ULK4: variants seen among roughly 807,000 people sequenced by gnomAD.
The protein encoded by ULK4 is unc-51 like kinase 4.
ULK4 carries 133 observed loss-of-function variants against 160.6 expected under a neutral mutation model. The observed-to-expected ratio is 0.83, with a 90% CI of 0.72 to 0.96. The LOEUF (loss-of-function observed/expected upper bound fraction) is 0.96, where lower values mean the gene tolerates loss of function less well. Ranked by LOEUF, ULK4 falls within the 40% of genes least tolerant of loss-of-function variation. The probability of loss-of-function intolerance (pLI) is 0.00; values close to 1 mark genes in which losing one functional copy is unlikely to be tolerated. For synonymous variants in ULK4, 534 were observed against 539.8 expected, an observed-to-expected ratio of 0.99 and a Z score of 0.15; for missense variants, 1,580 against 1,499.5, an observed-to-expected ratio of 1.05 and a Z score of -0.89.
At chr3:41,664,470 A>G (rs1195686812) in intron 29 of ULK4, among the ~76,000 whole-genome samples, 1 of 152,164 alleles carries the variant, frequency 6.6e-6, no homozygotes, top group Non-Finnish European at 1.5e-5. Context: ...CGTGTGTGTG[A>G]TGTTTCTGCC....
chr3:41,823,870 T>C (rs1309466799), intron 18 of ULK4, among the ~76,000 whole-genome samples: 13 of 152,198 alleles, frequency 8.5e-5, no homozygotes, highest in African/African-American at 3.1e-4. Context: ...TCAGTTAAAG[T>C]ATATACCAAG....
chr3:41,278,956 T>G (rs1300838129), intron 35 of ULK4, among the ~76,000 whole-genome samples: 2 of 152,098 alleles, frequency 1.3e-5, no homozygotes, highest in South Asian at 4.1e-4. Flanking sequence ...GTTTGACAAG[T>G]TGACAGAAGT....
In ULK4 at chr3:41,535,119, T is replaced by C. The variant is rs139373361; in HGVS notation, c.3226+30906A>G. ...TGCTTGCCTTTTCCCACAACCTTTG[T>C]TTCATGAGGAGTACTGGTGCATAAG... On this transcript the variant is annotated intron_variant, in intron 32 of 36. Transcript: ENST00000301831. 3.5e-3 allele frequency among the ~76,000 whole-genome samples: 538 copies of C among 152,248 alleles called. 2 individuals carry two copies. Among genetic ancestry groups the C allele is most frequent in the Middle Eastern group, 0.024 (7 of 294 alleles).
At chr3:41,545,799 AT>A (rs1204665101) in intron 32 of ULK4, among the ~76,000 whole-genome samples, 1 of 151,946 alleles carries the variant, frequency 6.6e-6, no homozygotes, top group Non-Finnish European at 1.5e-5. Flanking sequence ...AGGCTTTTTC[AT>A]TTTTTTAAAT....
chr3:41,677,336 T>TC (rs1403821014), intron 29 of ULK4, among the ~76,000 whole-genome samples: 2 of 151,194 alleles, frequency 1.3e-5, no homozygotes, highest in African/African-American at 4.9e-5. Flanking sequence ...TCATTCATTT[T>TC]TTTTTTTTTT....
At chr3:41,333,871 A>G (rs1532016) in intron 35 of ULK4, among the ~76,000 whole-genome samples, 22,389 of 152,062 alleles carry the variant, frequency 0.15, 1,921 homozygotes, top group African/African-American at 0.23. Context: ...ACTGACTCCA[A>G]AGAAGCTTGG....
chr3:41,553,762 A>G (rs1440155858), intron 32 of ULK4, among the ~76,000 whole-genome samples: 1 of 147,036 alleles, frequency 6.8e-6, no homozygotes, highest in African/African-American at 2.4e-5. Context: ...CATGCAATGC[A>G]TAATAACCAC....
intron 35 of ULK4, among the ~76,000 whole-genome samples, chr3:41,278,837 G>A (rs1456942315): frequency 6.6e-6 from 1 of 152,094 alleles, no homozygotes; most frequent in Non-Finnish European, 1.5e-5. Context: ...ACAAAGATGG[G>A]GAGAAACCAG....
intron 30 of ULK4, 98 bp downstream of exon 30, chr3:41,663,509 T>G: frequency 8.9e-7 from 1 of 1,128,852 alleles, no homozygotes; most frequent in Non-Finnish European, 1.3e-6. Context: ...AACTCAAACA[T>G]TAGTCTTTTG....
intron 33 of ULK4, 35 bp from the exon 34 acceptor site, chr3:41,455,630 TG>T (rs1329696422): frequency 6.2e-7 from 1 of 1,604,908 alleles, no homozygotes; most frequent in Admixed American, 1.7e-5. Flanking sequence ...AAGACGGTCT[TG>T]GTGATTAGTC....
intron 18 of ULK4, among the ~76,000 whole-genome samples, chr3:41,829,309 A>G (rs2041486312): frequency 6.8e-6 from 1 of 146,470 alleles, no homozygotes; most frequent in African/African-American, 2.5e-5. Context: ...ATCTAATTAA[A>G]CTAAAGAGCT....
intron 32 of ULK4, among the ~76,000 whole-genome samples, chr3:41,565,212 C>G (rs1314808354): frequency 6.6e-6 from 1 of 152,132 alleles, no homozygotes; most frequent in Non-Finnish European, 1.5e-5. Context: ...AACAGATTGC[C>G]GTAGTTACGT....
chr3:41,671,884 CAAT>C (rs1238403437), intron 29 of ULK4, among the ~76,000 whole-genome samples: 2 of 151,776 alleles, frequency 1.3e-5, no homozygotes, highest in African/African-American at 2.4e-5. Flanking sequence ...AAACCAACAA[CAAT>C]AATAATAATA....
intron 8 of ULK4, among the ~76,000 whole-genome samples, chr3:41,914,032 G>T (rs1051384195): frequency 6.6e-6 from 1 of 152,068 alleles, no homozygotes; most frequent in Admixed American, 6.6e-5. Flanking sequence ...ACCTTGTTTA[G>T]GAATCAAAAT....
At chr3:41,427,150 CT>C (rs975839346) in intron 34 of ULK4, among the ~76,000 whole-genome samples, 3 of 152,150 alleles carry the variant, frequency 2.0e-5, no homozygotes, top group African/African-American at 7.2e-5. Flanking sequence ...TTCAAATAAA[CT>C]AGAGAATCTA....
intron 22 of ULK4, among the ~76,000 whole-genome samples, chr3:41,732,840 G>A (rs2125867342): frequency 6.6e-6 from 1 of 152,220 alleles, no homozygotes; most frequent in Middle Eastern, 3.4e-3. Context: ...TAGAACTGGA[G>A]GGCATTACGT....
At chr3:41,425,845 A>G (rs2082765706) in intron 34 of ULK4, among the ~76,000 whole-genome samples, 1 of 152,198 alleles carries the variant, frequency 6.6e-6, no homozygotes, top group Admixed American at 6.5e-5. Context: ...ACAAAGACCA[A>G]TGACACTATG....
At chr3:41,807,400 G>C (rs892324909) in intron 19 of ULK4, among the ~76,000 whole-genome samples, 1 of 152,014 alleles carries the variant, frequency 6.6e-6, no homozygotes. Flanking sequence ...TGCATTTACT[G>C]TTTTTTCAAT....
chr3:41,481,983 A>G (rs1343364223), intron 32 of ULK4, among the ~76,000 whole-genome samples: 1 of 152,124 alleles, frequency 6.6e-6, no homozygotes, highest in Non-Finnish European at 1.5e-5. Context: ...GTTGTGCTAT[A>G]TATAAACAAG....
Sources: gnomAD v4.1 joint callset for allele counts (sites outside exome capture counted in the v4.1 genomes callset) on GRCh38, gnomAD v4.1.1 for gene constraint, MANE v1.5 for transcripts, NCBI Gene and HGNC (gene_info 2026-07-23, HGNC 2026-07-21) for gene names.